MEGF9: variants seen among roughly 807,000 people sequenced by gnomAD.
The protein encoded by MEGF9 is multiple EGF like domains 9.
A neutral mutation model predicts 46.8 loss-of-function variants in MEGF9; 6 were observed. That is an observed-to-expected ratio of 0.13 (90% CI 0.07 to 0.25). The LOEUF (loss-of-function observed/expected upper bound fraction) is 0.25. Among genes scored for constraint, MEGF9 ranks in the 10% least tolerant of loss-of-function variants. The pLI is 1.00. For missense variants in MEGF9, 683 were observed against 792.4 expected, an observed-to-expected ratio of 0.86 and a Z score of 1.66; for synonymous variants, 302 against 330.7, an observed-to-expected ratio of 0.91 and a Z score of 0.94.
chr9:120,689,649 G>T (rs1464337375), intron 1 of MEGF9, among the ~76,000 whole-genome samples: 2 of 152,078 alleles, frequency 1.3e-5, no homozygotes, highest in Non-Finnish European at 2.9e-5. Context: ...GCACCAGATG[G>T]TAGGCTCATA....
In MEGF9 at chr9:120,690,738, T is replaced by C. The variant is rs558082387; in HGVS notation, c.601+23020A>G. ...GTTTTCATAGTTGCAACTGACCCTC[T>C]GCTGGAGACCAAAATTTCCTCTGTA... is the stretch of plus-strand genomic sequence containing the variant. On this transcript the variant is annotated intron_variant, in intron 1 of 5. Transcript: ENST00000373930. Among the ~76,000 whole-genome samples, 17 of 152,264 alleles carry C rather than the reference T, an allele frequency of 1.1e-4. No individual in the cohort carries two copies. The East Asian group carries it at 3.3e-3, about 29-fold the overall frequency.
intron 1 of MEGF9, among the ~76,000 whole-genome samples, chr9:120,678,685 G>T (rs2043784462): frequency 6.6e-6 from 1 of 152,176 alleles, no homozygotes; most frequent in South Asian, 2.1e-4. Context: ...TGTTGGCCAT[G>T]CTGGTCTCGA....
chr9:120,694,818 C>A (rs2043867279), intron 1 of MEGF9, among the ~76,000 whole-genome samples: 1 of 152,036 alleles, frequency 6.6e-6, no homozygotes, highest in African/African-American at 2.4e-5. Flanking sequence ...GAAGAGGTAA[C>A]CAAAGATGAA....
chr9:120,629,911 C>G (rs2043543240), intron 2 of MEGF9, among the ~76,000 whole-genome samples: 1 of 145,606 alleles, frequency 6.9e-6, no homozygotes, highest in Admixed American at 7.0e-5. Flanking sequence ...CCAGCCTGGG[C>G]AACAGAGTGA....
At chr9:120,697,392 AC>A (rs1333935902) in intron 1 of MEGF9, among the ~76,000 whole-genome samples, 1 of 150,650 alleles carries the variant, frequency 6.6e-6, no homozygotes, top group Non-Finnish European at 1.5e-5. Flanking sequence ...CTATTCTATG[AC>A]TTTTATATAA....
At chr9:120,671,862 C>A (rs1264381994) in intron 1 of MEGF9, among the ~76,000 whole-genome samples, 2 of 152,058 alleles carry the variant, frequency 1.3e-5, no homozygotes, top group Non-Finnish European at 2.9e-5. Context: ...AACCTCTCAA[C>A]AAAATAACCA....
chr9:120,640,409 C>G (rs2043597032), intron 2 of MEGF9, among the ~76,000 whole-genome samples: 1 of 152,148 alleles, frequency 6.6e-6, no homozygotes, highest in East Asian at 1.9e-4. Context: ...ATATTTCTTA[C>G]TATTTAATAT....
intron 2 of MEGF9, among the ~76,000 whole-genome samples, chr9:120,648,891 T>C (rs77204796): frequency 0.018 from 2,789 of 152,294 alleles, 89 homozygotes; most frequent in African/African-American, 0.063. Flanking sequence ...ACTTCATAAG[T>C]TTGCCTTTTA....
intron 3 of MEGF9, among the ~76,000 whole-genome samples, chr9:120,616,758 C>T (rs1411782222): frequency 6.7e-6 from 1 of 150,158 alleles, no homozygotes; most frequent in Non-Finnish European, 1.5e-5. Flanking sequence ...TTCTCACAAA[C>T]TAAGTTACCT....
At chr9:120,661,856 G>T (rs983758276) in intron 1 of MEGF9, among the ~76,000 whole-genome samples, 1 of 152,190 alleles carries the variant, frequency 6.6e-6, no homozygotes, top group African/African-American at 2.4e-5. Context: ...CACCAGAAAT[G>T]ACCAGAACAC....
chr9:120,608,067 C>G (rs991121), intron 4 of MEGF9, 57 bp from the exon 5 acceptor site: 1,067,883 of 1,580,930 alleles, frequency 0.68, 367,597 homozygotes, highest in Admixed American at 0.76. Flanking sequence ...ATTAAAAATG[C>G]AAAACAACTA....
rs545572505 is a variant in MEGF9, at chr9:120,606,984, T to C, written c.1357+757A>G. On this transcript the variant is annotated intron_variant, in intron 5 of 5. Transcript: ENST00000373930. ...GAGTAGCAGGATCTCTAGCTAGTAA[T>C]AGGGTTCAATCTGAATCTTTTTGCC... 9.9e-5 allele frequency among the ~76,000 whole-genome samples: 15 copies of C among 152,240 alleles called. No individual in the cohort carries two copies. The East Asian group carries it at 1.4e-3, about 14-fold the overall frequency.
At chr9:120,610,709 C>A (rs1000651678) in intron 4 of MEGF9, among the ~76,000 whole-genome samples, 1 of 151,980 alleles carries the variant, frequency 6.6e-6, no homozygotes, top group Admixed American at 6.6e-5. Context: ...CACTGTAGTA[C>A]GAGAGCTTGA....
chr9:120,685,140 C>T (rs983601458), intron 1 of MEGF9, among the ~76,000 whole-genome samples: 4 of 152,164 alleles, frequency 2.6e-5, no homozygotes, highest in Non-Finnish European at 4.4e-5. Flanking sequence ...GGCCGGGAGG[C>T]TTCATTTTTT....
chr9:120,617,147 G>C (rs1439692531), intron 3 of MEGF9, among the ~76,000 whole-genome samples: 1 of 152,066 alleles, frequency 6.6e-6, no homozygotes, highest in African/African-American at 2.4e-5. Flanking sequence ...AAAAGAAAAA[G>C]GAATGTTTCC....
intron 2 of MEGF9, among the ~76,000 whole-genome samples, chr9:120,656,546 CAAAAAAA>C (rs11446439): frequency 1.1e-5 from 1 of 88,924 alleles, no homozygotes; most frequent in Non-Finnish European, 2.1e-5. Flanking sequence ...GACTCCGTCT[CAAAAAAA>C]AAAAAAAAAA....
At chr9:120,680,184 C>A (rs2043791819) in intron 1 of MEGF9, among the ~76,000 whole-genome samples, 2 of 152,094 alleles carry the variant, frequency 1.3e-5, no homozygotes, top group Non-Finnish European at 2.9e-5. Context: ...TTATTTAGTT[C>A]ATCTGATGAG....
intron 1 of MEGF9, among the ~76,000 whole-genome samples, chr9:120,679,772 T>C (rs1383742889): frequency 1.3e-5 from 2 of 152,022 alleles, no homozygotes; most frequent in Non-Finnish European, 2.9e-5. Context: ...ACCCCGTCTC[T>C]ACTAAAAATA....
intron 1 of MEGF9, among the ~76,000 whole-genome samples, chr9:120,708,994 G>C (rs2043940866): frequency 6.6e-6 from 1 of 152,158 alleles, no homozygotes; most frequent in Non-Finnish European, 1.5e-5. Context: ...CTGTGATTAG[G>C]AACTAACCAC....
Sources: gnomAD v4.1 joint callset for allele counts (sites outside exome capture counted in the v4.1 genomes callset) on GRCh38, gnomAD v4.1.1 for gene constraint, MANE v1.5 for transcripts, NCBI Gene and HGNC (gene_info 2026-07-23, HGNC 2026-07-21) for gene names.